Variants in CDKAL1 observed in about 807,000 individuals in gnomAD.
CDKAL1 encodes the protein threonylcarbamoyladenosine tRNA methylthiotransferase.
A neutral mutation model predicts 68.2 loss-of-function variants in CDKAL1; 32 were observed. That is an observed-to-expected ratio of 0.47 (90% CI 0.35 to 0.63). The LOEUF (loss-of-function observed/expected upper bound fraction) is 0.63, where lower values mean the gene tolerates loss of function less well. Among genes scored for constraint, CDKAL1 ranks in the 30% least tolerant of loss-of-function variants. CDKAL1 has a pLI of 0.00. For synonymous variants in CDKAL1, 234 were observed against 244.3 expected (o/e 0.96, Z 0.39); for missense variants, 606 against 696.7 (o/e 0.87, Z 1.47).
intron 2 of CDKAL1, among the ~76,000 whole-genome samples, chr6:20,538,702 T>G (rs1288108391): frequency 6.6e-6 from 1 of 152,266 alleles, no homozygotes; most frequent in Non-Finnish European, 1.5e-5. Context: ...AGGCACTACC[T>G]GGTCCTAGCC....
chr6:20,868,577 G>T (rs1225376336), intron 9 of CDKAL1, among the ~76,000 whole-genome samples: 6 of 152,220 alleles, frequency 3.9e-5, no homozygotes, highest in Admixed American at 3.3e-4. Flanking sequence ...TGTGATAAAA[G>T]AAATAGTTTT....
At chr6:20,878,738 A>AAAAAAAAAAGAAAAAAAT in intron 9 of CDKAL1, among the ~76,000 whole-genome samples, 1 of 139,250 alleles carries the variant, frequency 7.2e-6, no homozygotes, top group Non-Finnish European at 1.6e-5. Context: ...TCTGTCTCAT[A>AAAAAAAAAAGAAAAAAAT]AATAAATAAA....
At position 21,108,463 on chromosome 6, in the gene CDKAL1, G is replaced by T; in HGVS notation, c.1299G>T (p.Lys433Asn). Residue 433 changes from lysine to asparagine, a missense_variant and splice_region_variant, in exon 13 of 16, where the codon AAG (lysine) becomes AAT (asparagine). Coordinates refer to ENST00000274695, the MANE Select transcript of CDKAL1 (RefSeq NM_017774.3). The stretch of plus-strand genomic sequence containing the variant: ...ATTCTTACAGTCCATATGATCACAA[G>T]GTAAGAGAAGCATGTTAATAGCATA... ...VFHSYSPYDH[K>N]IGERQQVLVT... 2.5e-6 allele frequency: 4 copies of T among 1,584,360 alleles called. No homozygotes were observed. Among genetic ancestry groups the T allele is most frequent in the Non-Finnish European group, 3.4e-6 (4 of 1,161,498 alleles).
intron 4 of CDKAL1, among the ~76,000 whole-genome samples, chr6:20,556,124 G>A (rs766341094): frequency 5.3e-5 from 8 of 152,096 alleles, no homozygotes; most frequent in Non-Finnish European, 8.8e-5. Context: ...CTGCACTTTG[G>A]GCGGCCTAGG....
chr6:20,694,060 GTA>G (rs748015918), intron 5 of CDKAL1, among the ~76,000 whole-genome samples: 9,218 of 70,516 alleles, frequency 0.13, 360 homozygotes, highest in African/African-American at 0.18. Context: ...GTGTGTGTGT[GTA>G]TGTGTGTGTG....
intron 8 of CDKAL1, among the ~76,000 whole-genome samples, chr6:20,796,539 G>C (rs1038848771): frequency 2.0e-5 from 3 of 152,160 alleles, no homozygotes; most frequent in African/African-American, 7.2e-5. Context: ...AAACAGTTTT[G>C]AATAAGAATA....
intron 9 of CDKAL1, among the ~76,000 whole-genome samples, chr6:20,938,183 G>A (rs1408478192): frequency 6.6e-6 from 1 of 151,988 alleles, no homozygotes; most frequent in Non-Finnish European, 1.5e-5. Flanking sequence ...TGATCAGATT[G>A]TCCCAGATTG....
At chr6:20,902,967 CTG>C (rs976206441) in intron 9 of CDKAL1, among the ~76,000 whole-genome samples, 1 of 152,096 alleles carries the variant, frequency 6.6e-6, no homozygotes, top group African/African-American at 2.4e-5. Context: ...TGGGCTGTCA[CTG>C]TATTCTATAG....
intron 9 of CDKAL1, among the ~76,000 whole-genome samples, chr6:20,939,609 A>G (rs1214716519): frequency 1.3e-5 from 2 of 152,190 alleles, no homozygotes; most frequent in African/African-American, 4.8e-5. Flanking sequence ...GGGCCAGTGC[A>G]ATTACTATAA....
chr6:21,172,396 A>AT (rs1202268027), intron 13 of CDKAL1, among the ~76,000 whole-genome samples: 3 of 151,796 alleles, frequency 2.0e-5, no homozygotes, highest in Non-Finnish European at 4.4e-5. Flanking sequence ...CATTTTCTGT[A>AT]TTTTTTCCCA....
intron 8 of CDKAL1, among the ~76,000 whole-genome samples, chr6:20,790,297 CTG>C (rs1240677075): frequency 2.6e-5 from 4 of 152,088 alleles, no homozygotes; most frequent in Admixed American, 1.3e-4. Flanking sequence ...AATATTTAGG[CTG>C]TGTCTTAAAA....
At chr6:21,219,124 G>A (rs1779443026) in intron 15 of CDKAL1, among the ~76,000 whole-genome samples, 1 of 152,164 alleles carries the variant, frequency 6.6e-6, no homozygotes, top group Admixed American at 6.5e-5. Context: ...TCTTCAGATG[G>A]TTGGGTTCAG....
intron 11 of CDKAL1, among the ~76,000 whole-genome samples, chr6:21,051,349 A>T (rs890942367): frequency 6.6e-6 from 1 of 152,190 alleles, no homozygotes; most frequent in Non-Finnish European, 1.5e-5. Flanking sequence ...ACTCCAACCT[A>T]GGTGACAGAG....
At chr6:20,692,810 AG>A (rs769333157) in intron 5 of CDKAL1, among the ~76,000 whole-genome samples, 12 of 151,960 alleles carry the variant, frequency 7.9e-5, no homozygotes, top group Non-Finnish European at 1.5e-5. Context: ...AGAGAAAATG[AG>A]CATTGTCATG....
intron 4 of CDKAL1, among the ~76,000 whole-genome samples, chr6:20,603,330 C>G (rs1766186542): frequency 6.6e-6 from 1 of 152,118 alleles, no homozygotes; most frequent in African/African-American, 2.4e-5. Flanking sequence ...CCTGTTTAGC[C>G]ATAGGTTGGG....
intron 11 of CDKAL1, among the ~76,000 whole-genome samples, chr6:21,030,079 T>A (rs1415719923): frequency 6.6e-6 from 1 of 152,144 alleles, no homozygotes; most frequent in Non-Finnish European, 1.5e-5. Flanking sequence ...CCAACCCAAA[T>A]GCCCATCAAT....
chr6:20,785,159 T>C (rs1485240233), intron 8 of CDKAL1, among the ~76,000 whole-genome samples: 1 of 152,306 alleles, frequency 6.6e-6, no homozygotes, highest in South Asian at 2.1e-4. Context: ...TAATCCATAT[T>C]GTCCCAGAAT....
chr6:21,203,954 T>G (rs139581454), intron 15 of CDKAL1, among the ~76,000 whole-genome samples: 3 of 152,162 alleles, frequency 2.0e-5, no homozygotes, highest in Non-Finnish European at 4.4e-5. Context: ...GAAGGTTATA[T>G]GCACATTTTT....
At chr6:20,641,749 T>A (rs1581878100) in intron 4 of CDKAL1, among the ~76,000 whole-genome samples, 1 of 152,258 alleles carries the variant, frequency 6.6e-6, no homozygotes, top group East Asian at 1.9e-4. Flanking sequence ...GTCGTTATAG[T>A]GGATATGTTG....
Sources: allele counts gnomAD v4.1 joint callset (sites outside exome capture counted in the v4.1 genomes callset), GRCh38; gene constraint gnomAD v4.1.1; transcripts MANE v1.5; gene names NCBI Gene and HGNC (gene_info 2026-07-23, HGNC 2026-07-21).